The following S100Z variants were observed in gnomAD, a reference collection of about 807,000 sequenced individuals.
S100Z encodes S100 calcium binding protein Z, also known as protein S100-Z.
In S100Z, 11 loss-of-function variants were observed where a neutral mutation model predicts 8.5. The ratio of observed to expected loss-of-function variants is 1.30; its 90% CI spans 0.82 to 2.15. The LOEUF is 2.15. S100Z is among the 30% of genes most tolerant of loss of function. S100Z has a pLI of 0.00. For synonymous variants in S100Z, 34 were observed against 43.8 expected (o/e 0.78, Z 0.89); for missense variants, 126 against 117.9 (o/e 1.07, Z -0.32).
chr5:76,875,979 A>T (rs1743178756), intron 3 of S100Z, among the ~76,000 whole-genome samples: 2 of 152,154 alleles, frequency 1.3e-5, no homozygotes, highest in South Asian at 4.1e-4. Context: ...GCACAGACTG[A>T]TTGGGATTGA....
At chr5:76,872,935 T>C (rs1743058987) in intron 2 of S100Z, among the ~76,000 whole-genome samples, 1 of 152,202 alleles carries the variant, frequency 6.6e-6, no homozygotes, top group African/African-American at 2.4e-5. Flanking sequence ...ATGGCACCAC[T>C]GCACTCCAGC....
chr5:76,902,958 G>T (rs1262635687), intron 4 of S100Z, among the ~76,000 whole-genome samples: 1 of 152,192 alleles, frequency 6.6e-6, no homozygotes, highest in Non-Finnish European at 1.5e-5. Flanking sequence ...GGCTGAGGTG[G>T]GTGGATCATC....
At chr5:76,928,264 C>A in the S100Z span, among the ~76,000 whole-genome samples, 4 of 152,164 alleles carry the variant, frequency 2.6e-5, no homozygotes, top group Non-Finnish European at 4.4e-5. Context: ...ATCTCCCCAA[C>A]GCAGAGGACC....
chr5:76,940,887 T>A, the S100Z span, among the ~76,000 whole-genome samples: 16 of 152,304 alleles, frequency 1.1e-4, no homozygotes, highest in African/African-American at 3.6e-4. Context: ...CTCAGACTTT[T>A]CTTGTTTTTG....
chr5:76,900,981 G>A (rs935581355), intron 4 of S100Z, among the ~76,000 whole-genome samples: 2 of 151,304 alleles, frequency 1.3e-5, no homozygotes, highest in African/African-American at 2.4e-5. Context: ...AATTGTAAAG[G>A]TACCTCCTTG....
chr5:76,948,159 C>CTAAAAA, the S100Z span, among the ~76,000 whole-genome samples: 2 of 136,922 alleles, frequency 1.5e-5, no homozygotes, highest in African/African-American at 6.2e-5. Context: ...CACCCCGTCT[C>CTAAAAA]TACTAAAAAT....
At chr5:76,935,044 T>C in the S100Z span, among the ~76,000 whole-genome samples, 2 of 152,208 alleles carry the variant, frequency 1.3e-5, no homozygotes, top group South Asian at 2.1e-4. Context: ...TATGTCAATA[T>C]GTATTATGTA....
chr5:76,915,003 G>A (rs544173621), intron 4 of S100Z, among the ~76,000 whole-genome samples: 123 of 152,300 alleles, frequency 8.1e-4, no homozygotes, highest in African/African-American at 2.9e-3. Flanking sequence ...CCACTGGAAG[G>A]AATCAATTCC....
intron 1 of S100Z, among the ~76,000 whole-genome samples, chr5:76,863,690 C>G (rs1048450039): frequency 6.6e-6 from 1 of 151,930 alleles, no homozygotes; most frequent in East Asian, 1.9e-4. Context: ...AGGCACCCGC[C>G]ACCACACCCA....
the S100Z span, among the ~76,000 whole-genome samples, chr5:76,948,035 T>C: frequency 6.6e-6 from 1 of 152,014 alleles, no homozygotes; most frequent in Non-Finnish European, 1.5e-5. Context: ...CCAAAAAGCT[T>C]CTTCTGCAGG....
intron 4 of S100Z, among the ~76,000 whole-genome samples, chr5:76,906,255 A>G (rs1744418842): frequency 6.6e-6 from 1 of 152,226 alleles, no homozygotes; most frequent in South Asian, 2.1e-4. Flanking sequence ...GCTAACATTT[A>G]ATCACTTCAC....
In S100Z at chr5:76,910,944, T is replaced by A. The variant is rs527863638; in HGVS notation, c.*3-9773T>A. Among the ~76,000 whole-genome samples the A allele has an allele frequency of 2.0e-5, 3 of 152,344 alleles. No individual in the cohort carries two copies. In the South Asian group the frequency reaches 6.2e-4, roughly 32 times the overall value. ...CTCTTTTCACATGCCTTTCTTGTTA[T>A]GCCTGAAAGTCCCACACCCTTATTA... On this transcript the variant is annotated intron_variant, in intron 4 of 4. Transcript: ENST00000317593.
intron 4 of S100Z, among the ~76,000 whole-genome samples, chr5:76,908,840 G>A (rs545198089): frequency 6.6e-6 from 1 of 152,190 alleles, no homozygotes; most frequent in African/African-American, 2.4e-5. Flanking sequence ...ATACTAACAG[G>A]AGAATGCTTA....
At chr5:76,893,952 G>A (rs80240321) in intron 4 of S100Z, among the ~76,000 whole-genome samples, 2,189 of 152,162 alleles carry the variant, frequency 0.014, 60 homozygotes, top group African/African-American at 0.049. Context: ...AAAGTTCTAA[G>A]CCCCTCTAAT....
At chr5:76,912,978 CAGA>C (rs1350568399) in intron 4 of S100Z, among the ~76,000 whole-genome samples, 2 of 151,810 alleles carry the variant, frequency 1.3e-5, no homozygotes, top group Non-Finnish European at 2.9e-5. Flanking sequence ...AAAAGGGAGT[CAGA>C]AGGAGACAAA....
rs535667394 is a variant in S100Z, at chr5:76,887,105, T to C, written c.*2+9271T>C. On this transcript the variant is annotated intron_variant, in intron 4 of 4. Transcript: ENST00000317593. ...ATCTTTCTTTCTTTTCTTTTCTTTTTTTTTTTTTTCGAGACAGAGTCTTGC... is the reference window on the plus strand; with the variant it reads ...ATCTTTCTTTCTTTTCTTTTCTTTTCTTTTTTTTTCGAGACAGAGTCTTGC... Among the ~76,000 whole-genome samples, 111 of 151,502 alleles carry C rather than the reference T, an allele frequency of 7.3e-4. 1 individual carries two copies. The highest frequency in any genetic ancestry group is 2.5e-3 in the African/African-American group (102 of 41,372).
chr5:76,905,995 A>AT (rs1160694791), intron 4 of S100Z, among the ~76,000 whole-genome samples: 3 of 151,950 alleles, frequency 2.0e-5, no homozygotes, highest in Admixed American at 2.0e-4. Flanking sequence ...CACCCAGCTA[A>AT]TTTTTTGTCT....
intron 1 of S100Z, among the ~76,000 whole-genome samples, chr5:76,863,636 T>A (rs1226621006): frequency 6.6e-6 from 1 of 152,088 alleles, no homozygotes; most frequent in Admixed American, 6.6e-5. Context: ...CCTCCCGGGT[T>A]CACGCCATTC....
chr5:76,880,986 CTGATATAGTG>C (rs1167908627), intron 4 of S100Z, among the ~76,000 whole-genome samples: 1 of 152,004 alleles, frequency 6.6e-6, no homozygotes, highest in Non-Finnish European at 1.5e-5. Context: ...GTGACTGAGA[CTGATATAGTG>C]TGGTGGAGAT....
Sources: gnomAD v4.1 joint callset for allele counts (sites outside exome capture counted in the v4.1 genomes callset) on GRCh38, gnomAD v4.1.1 for gene constraint, MANE v1.5 for transcripts, NCBI Gene and HGNC (gene_info 2026-07-23, HGNC 2026-07-21) for gene names.